Variants in CNTNAP4 observed in about 807,000 individuals in gnomAD.
CNTNAP4 encodes the protein contactin associated protein family member 4, also known as contactin-associated protein-like 4.
A neutral mutation model predicts 148.4 loss-of-function variants in CNTNAP4; 98 were observed. That is an observed-to-expected ratio of 0.66 (90% CI 0.56 to 0.78). The LOEUF is 0.78. CNTNAP4 is among the 30% of genes least tolerant of loss of function. The probability of loss-of-function intolerance (pLI) is 0.00; values close to 1 mark genes in which losing one functional copy is unlikely to be tolerated. For synonymous variants in CNTNAP4, 730 were observed against 565.1 expected (o/e 1.29, Z -4.14); for missense variants, 1,935 against 1,565.6 (o/e 1.24, Z -3.98).
chr16:76,424,206 T>C (rs2079295731), intron 3 of CNTNAP4, among the ~76,000 whole-genome samples: 1 of 152,184 alleles, frequency 6.6e-6, no homozygotes. Flanking sequence ...GTTGGCTGTC[T>C]CTGCCACTGT....
chr16:76,432,185 G>T (rs4887859), intron 4 of CNTNAP4, among the ~76,000 whole-genome samples: 1 of 152,120 alleles, frequency 6.6e-6, no homozygotes, highest in East Asian at 1.9e-4. Context: ...ATATTTTTAT[G>T]CCAGGCTCCC....
intron 2 of CNTNAP4, among the ~76,000 whole-genome samples, chr16:76,320,759 C>T (rs1962319187): frequency 6.6e-6 from 1 of 152,094 alleles, no homozygotes; most frequent in Admixed American, 6.5e-5. Context: ...GGAGAAACCA[C>T]ATCTTTTATA....
intron 14 of CNTNAP4, among the ~76,000 whole-genome samples, chr16:76,496,741 T>C (rs1266901183): frequency 6.6e-6 from 1 of 152,166 alleles, no homozygotes; most frequent in Non-Finnish European, 1.5e-5. Context: ...CTGGAATCTT[T>C]ACAATGTATC....
At chr16:76,403,066 A>T (rs2078472769) in intron 3 of CNTNAP4, among the ~76,000 whole-genome samples, 1 of 151,978 alleles carries the variant, frequency 6.6e-6, no homozygotes, top group Non-Finnish European at 1.5e-5. Flanking sequence ...GGAAAAGGAC[A>T]TGAACACTGT....
chr16:76,476,849 C>T (rs1160202852), intron 11 of CNTNAP4, among the ~76,000 whole-genome samples: 1 of 151,918 alleles, frequency 6.6e-6, no homozygotes, highest in Non-Finnish European at 1.5e-5. Flanking sequence ...GGACACAAAC[C>T]TTCAGTCTAT....
chr16:76,295,700 GA>G (rs1959226071), intron 1 of CNTNAP4, among the ~76,000 whole-genome samples: 1 of 152,238 alleles, frequency 6.6e-6, no homozygotes, highest in African/African-American at 2.4e-5. Context: ...TGAGAGGAAG[GA>G]GTGGCCAATT....
chr16:76,343,826 TC>T (rs1335405843), intron 2 of CNTNAP4, among the ~76,000 whole-genome samples: 3 of 152,124 alleles, frequency 2.0e-5, no homozygotes, highest in African/African-American at 7.2e-5. Context: ...AATGTGTTAG[TC>T]CCCGGCAAAA....
intron 12 of CNTNAP4, among the ~76,000 whole-genome samples, chr16:76,489,297 G>C (rs2082128748): frequency 6.6e-6 from 1 of 151,768 alleles, no homozygotes; most frequent in Non-Finnish European, 1.5e-5. Flanking sequence ...GTTATAATAG[G>C]CAGCATTTTT....
rs146991521 is a variant in CNTNAP4, at chr16:76,517,240, C to T, written c.2366-3900C>T. ...AGGGAGGAAAGCGGTTTTAGCTGTG[C>T]GCGGGAAGGATGAAGAATACTGTGG... On this transcript the variant is annotated intron_variant, in intron 15 of 23. Coordinates refer to ENST00000611870, the MANE Select transcript of CNTNAP4 (RefSeq NM_033401.5). Among the ~76,000 whole-genome samples the T allele has an allele frequency of 4.8e-3, 735 of 152,122 alleles. 6 individuals carry two copies. Among genetic ancestry groups the T allele is most frequent in the African/African-American group, 0.017 (716 of 41,496 alleles).
At chr16:76,521,386 C>G (rs2083447559) in intron 16 of CNTNAP4, 76 bp downstream of exon 16, 3 of 1,172,392 alleles carry the variant, frequency 2.6e-6, no homozygotes, top group Admixed American at 5.1e-5. Context: ...TTTTAAACTA[C>G]TCATGTGTCT....
chr16:76,522,651 TC>T (rs1288731175), intron 17 of CNTNAP4, among the ~76,000 whole-genome samples: 12,175 of 126,210 alleles, frequency 0.096, 2,468 homozygotes, highest in Non-Finnish European at 0.12. Context: ...CTTTCTTTTC[TC>T]TCTTTCTCTC....
chr16:76,363,270 C>T (rs566472398), intron 3 of CNTNAP4, among the ~76,000 whole-genome samples: 1 of 150,810 alleles, frequency 6.6e-6, no homozygotes, highest in South Asian at 2.1e-4. Flanking sequence ...TCAAGTGATT[C>T]TCCTGCCTCA....
intron 1 of CNTNAP4, among the ~76,000 whole-genome samples, chr16:76,307,044 A>G (rs765846943): frequency 6.6e-6 from 1 of 152,176 alleles, no homozygotes; most frequent in African/African-American, 2.4e-5. Context: ...ATTACAATAG[A>G]TGGTTAAGCA....
At chr16:76,527,700 A>C (rs1195669009) in intron 17 of CNTNAP4, among the ~76,000 whole-genome samples, 2 of 152,232 alleles carry the variant, frequency 1.3e-5, no homozygotes, top group Non-Finnish European at 2.9e-5. Context: ...AGTTAATAAA[A>C]TTGTATGGTA....
intron 8 of CNTNAP4, among the ~76,000 whole-genome samples, chr16:76,460,178 G>C (rs796413009): frequency 7.9e-5 from 12 of 151,964 alleles, no homozygotes; most frequent in African/African-American, 2.9e-4. Flanking sequence ...TGCAATCTCG[G>C]CTCACCGCAA....
intron 3 of CNTNAP4, among the ~76,000 whole-genome samples, chr16:76,391,352 A>G (rs970479115): frequency 1.4e-4 from 22 of 152,264 alleles, no homozygotes; most frequent in African/African-American, 5.1e-4. Flanking sequence ...ACCCACCTCC[A>G]ATGTTCTTTC....
At position 76,479,474 on chromosome 16, in the gene CNTNAP4, T is replaced by A. The variant is rs563272422; in HGVS notation, c.1818T>A (p.Phe606Leu). 368 of 1,611,294 alleles carry A rather than the reference T, an allele frequency of 2.3e-4. 3 individuals carry two copies. The South Asian group carries it at 3.9e-3, about 17-fold the overall frequency. ...AGCACAGAGGAAATACTTCAGGGTTTTACTATATAGATTCAGATGGAAGTG... is the reference window on the plus strand; with the variant it reads ...AGCACAGAGGAAATACTTCAGGGTTATACTATATAGATTCAGATGGAAGTG... ...AYKHRGNTSG[F>L]YYIDSDGSGP... The change falls in exon 12 of 24, where the codon TTT (phenylalanine) becomes TTA (leucine). Residue 606 changes from phenylalanine to leucine, a missense_variant. Physicochemically the swap from Phe to Leu is conservative, Grantham distance 22. Coordinates refer to ENST00000611870, the MANE Select transcript of CNTNAP4 (RefSeq NM_033401.5).
chr16:76,313,853 C>G (rs1441189015), intron 1 of CNTNAP4, among the ~76,000 whole-genome samples: 2 of 151,958 alleles, frequency 1.3e-5, no homozygotes, highest in Non-Finnish European at 2.9e-5. Context: ...GACAATAACC[C>G]TGTATAATTT....
At chr16:76,417,462 T>C (rs2079030817) in intron 3 of CNTNAP4, among the ~76,000 whole-genome samples, 1 of 151,514 alleles carries the variant, frequency 6.6e-6, no homozygotes, top group Non-Finnish European at 1.5e-5. Context: ...GCAGGTCCCT[T>C]AAAACAGAGT....
Sources: gnomAD v4.1 joint callset for allele counts (sites outside exome capture counted in the v4.1 genomes callset) on GRCh38, gnomAD v4.1.1 for gene constraint, MANE v1.5 for transcripts, NCBI Gene and HGNC (gene_info 2026-07-23, HGNC 2026-07-21) for gene names.